Variants in LAMA4 observed in about 807,000 individuals in gnomAD.
LAMA4 encodes laminin subunit alpha 4, also known as laminin subunit alpha-4.
LAMA4 carries 127 observed loss-of-function variants against 207.1 expected under a neutral mutation model. That is an observed-to-expected ratio of 0.61 (90% CI 0.53 to 0.71). LAMA4 has a LOEUF of 0.71. Ranked by LOEUF, LAMA4 falls within the 30% of genes least tolerant of loss-of-function variation. The probability of loss-of-function intolerance (pLI) is 0.00; values close to 1 mark genes in which losing one functional copy is unlikely to be tolerated. For missense variants in LAMA4, 2,093 were observed against 2,246.5 expected (o/e 0.93, Z 1.38); for synonymous variants, 761 against 816.0 (o/e 0.93, Z 1.15).
intron 4 of LAMA4, among the ~76,000 whole-genome samples, chr6:112,202,810 C>G (rs1554353054): frequency 6.6e-6 from 1 of 152,194 alleles, no homozygotes; most frequent in African/African-American, 2.4e-5. Flanking sequence ...GAGTCCAGAA[C>G]AGGAACCCGC....
intron 28 of LAMA4, among the ~76,000 whole-genome samples, chr6:112,131,701 G>C (rs1779044824): frequency 6.6e-6 from 1 of 152,086 alleles, no homozygotes; most frequent in South Asian, 2.1e-4. Context: ...TAACTAACCA[G>C]GGTAGTCTGA....
intron 18 of LAMA4, among the ~76,000 whole-genome samples, 192 bp from the exon 19 acceptor site, chr6:112,145,125 TG>T (rs1235168043): frequency 6.6e-6 from 1 of 152,250 alleles, no homozygotes. Flanking sequence ...GGCAGACATC[TG>T]GGCCAGACGG....
rs1783756173 is a variant in LAMA4, at chr6:112,201,682, T to C, written c.429A>G (p.Ala143=). ...CTCCATTTTTCCTATAGCAGGATTC[T>C]GCAAAACTAAAATTGGAAGCAAATA... ...PCPLPHLANF[A]ESCYRKNGAV... is the part of the protein sequence containing the mutation. Residue 143 remains alanine, a synonymous_variant, in exon 5 of 39, where the codon GCA becomes GCG. Coordinates refer to ENST00000230538, the MANE Select transcript of LAMA4 (RefSeq NM_001105206.3). The C allele has an allele frequency of 6.2e-7, 1 of 1,613,702 alleles. No homozygotes were observed. Among genetic ancestry groups the C allele is most frequent in the Non-Finnish European group, 8.5e-7 (1 of 1,179,652 alleles).
intron 5 of LAMA4, among the ~76,000 whole-genome samples, chr6:112,192,968 T>G (rs782426396): frequency 1.3e-5 from 2 of 152,174 alleles, no homozygotes; most frequent in Admixed American, 1.3e-4. Context: ...AAATTGCAAT[T>G]TTTAAAAGTT....
At chr6:112,242,304 TTG>T (rs1401092273) in intron 2 of LAMA4, among the ~76,000 whole-genome samples, 2 of 152,212 alleles carry the variant, frequency 1.3e-5, no homozygotes, top group East Asian at 3.8e-4. Flanking sequence ...GCTTTGAGGC[TTG>T]TGTTTTATTC....
chr6:112,190,383 T>C (rs1372225754), intron 6 of LAMA4, among the ~76,000 whole-genome samples: 2 of 152,240 alleles, frequency 1.3e-5, no homozygotes, highest in Non-Finnish European at 2.9e-5. Context: ...ACTTTTATTG[T>C]GACTTCTGCA....
intron 2 of LAMA4, chr6:112,218,614 G>T (rs1464487611): frequency 6.6e-6 from 1 of 152,240 alleles, no homozygotes; most frequent in Non-Finnish European, 1.5e-5. Flanking sequence ...CCAGTGCCTA[G>T]GTTGGACAGC....
chr6:112,147,992 A>G (rs1451558213), intron 18 of LAMA4, among the ~76,000 whole-genome samples, 165 bp downstream of exon 18: 2 of 152,248 alleles, frequency 1.3e-5, no homozygotes, highest in Non-Finnish European at 2.9e-5. Flanking sequence ...AGGTATAGAT[A>G]GATAGATAGA....
chr6:112,212,696 A>T (rs1784419012), intron 3 of LAMA4, among the ~76,000 whole-genome samples: 1 of 152,214 alleles, frequency 6.6e-6, no homozygotes, highest in African/African-American at 2.4e-5. Flanking sequence ...CCAGGTTTGC[A>T]ACAGATGGAA....
intron 5 of LAMA4, among the ~76,000 whole-genome samples, chr6:112,198,969 G>T (rs765965327): frequency 3.3e-5 from 5 of 152,308 alleles, no homozygotes; most frequent in East Asian, 1.9e-4. Context: ...GCCCGGGTGG[G>T]TCACAAAGTG....
intron 26 of LAMA4, 40 bp downstream of exon 26, chr6:112,134,427 C>T: frequency 1.2e-6 from 2 of 1,609,052 alleles, no homozygotes; most frequent in Non-Finnish European, 1.7e-6. Context: ...CAGCCCAGTA[C>T]ATTGCTAGGA....
intron 19 of LAMA4, among the ~76,000 whole-genome samples, chr6:112,144,259 G>A (rs1554333970): frequency 6.6e-6 from 1 of 152,188 alleles, no homozygotes; most frequent in East Asian, 1.9e-4. Flanking sequence ...TGTTTGTTGA[G>A]TTTATTCCTC....
chr6:112,132,143 C>T (rs782293919), intron 28 of LAMA4, among the ~76,000 whole-genome samples: 9 of 151,912 alleles, frequency 5.9e-5, no homozygotes, highest in Non-Finnish European at 1.3e-4. Flanking sequence ...GACCGCTTCA[C>T]AAAATAATGT....
intron 12 of LAMA4, among the ~76,000 whole-genome samples, chr6:112,168,850 T>C (rs782024586): frequency 3.3e-5 from 5 of 152,160 alleles, no homozygotes; most frequent in Non-Finnish European, 5.9e-5. Flanking sequence ...TGGACTGGAA[T>C]GAGTAGGCGA....
chr6:112,246,317 A>G (rs6921858), intron 2 of LAMA4, among the ~76,000 whole-genome samples: 20,800 of 152,150 alleles, frequency 0.14, 2,915 homozygotes, highest in African/African-American at 0.35. Flanking sequence ...TATACTAGCA[A>G]TCTGGTTTTA....
chr6:112,165,793 T>C (rs1407596356), intron 12 of LAMA4, among the ~76,000 whole-genome samples: 1 of 152,232 alleles, frequency 6.6e-6, no homozygotes, highest in African/African-American at 2.4e-5. Context: ...ATTTTAATCT[T>C]GCTTCATACC....
chr6:112,148,125 T>G lies in LAMA4; in HGVS notation c.2353+32A>C, dbSNP rs187954540. Reference sequence around the variant, plus strand: ...AGAGTTTAATGGCCAATTCCTTAATTAGATTCAAATTGTGAAATTTCTAAG... The same window carrying G: ...AGAGTTTAATGGCCAATTCCTTAATGAGATTCAAATTGTGAAATTTCTAAG... On this transcript the variant is annotated intron_variant, in intron 18 of 38. Transcript: ENST00000230538. 1.5e-4 allele frequency: 233 copies of G among 1,597,810 alleles called. No homozygotes were observed. In the African/African-American group the frequency reaches 2.8e-3, roughly 19 times the overall value.
chr6:112,216,321 C>T (rs781993518), intron 3 of LAMA4, 47 bp downstream of exon 3: 10 of 1,216,458 alleles, frequency 8.2e-6, no homozygotes, highest in Admixed American at 5.0e-5. Context: ...ACCCAAGATG[C>T]AAATGCCCAG....
At chr6:112,111,420 C>G (rs1554321556) in intron 38 of LAMA4, among the ~76,000 whole-genome samples, 1 of 152,140 alleles carries the variant, frequency 6.6e-6, no homozygotes, top group African/African-American at 2.4e-5. Flanking sequence ...GTGTGTAGTT[C>G]TAGGAATTTT....
Sources: gnomAD v4.1 joint callset for allele counts (sites outside exome capture counted in the v4.1 genomes callset) on GRCh38, gnomAD v4.1.1 for gene constraint, MANE v1.5 for transcripts, NCBI Gene and HGNC (gene_info 2026-07-23, HGNC 2026-07-21) for gene names.